HEATR1: variants seen among roughly 807,000 people sequenced by gnomAD.
The protein encoded by HEATR1 is HEAT repeat containing 1, also known as HEAT repeat-containing protein 1.
A neutral mutation model predicts 248.2 loss-of-function variants in HEATR1; 77 were observed. The observed-to-expected ratio is 0.31, with a 90% CI of 0.26 to 0.37. HEATR1 has a LOEUF of 0.37. Ranked by LOEUF, HEATR1 falls within the 10% of genes least tolerant of loss-of-function variation. HEATR1 has a pLI of 1.00. For missense variants in HEATR1, 2,420 were observed against 2,504.9 expected (o/e 0.97, Z 0.72); for synonymous variants, 897 against 923.1 (o/e 0.97, Z 0.51).
At chr1:236,579,189 G>A (rs747653204) in intron 20 of HEATR1, among the ~76,000 whole-genome samples, 3 of 151,962 alleles carry the variant, frequency 2.0e-5, no homozygotes, top group African/African-American at 4.8e-5. Context: ...CTCATGTGAC[G>A]GGCTGCAGTG....
rs1017897998 is a variant in HEATR1 at position 236,550,587 on chromosome 1, G to A, written c.*315C>T. On this transcript the variant is annotated 3_prime_UTR_variant, in exon 45 of 45. Transcript: ENST00000366582. ...CAGTGCAAATGAGGCGTCAGCTTTG[G>A]GTGCTAAAATTAACAAGTCTAATAT... 3.8e-6 allele frequency: 1 copy of A among 262,074 alleles called. No homozygotes were observed. The highest frequency in any genetic ancestry group is 4.9e-5 in the Admixed American group (1 of 20,520). The allele number at this position is 262,074 out of a possible 1,614,324, so 16.2% of individuals were successfully genotyped here.
At chr1:236,574,134 A>T in intron 24 of HEATR1, 68 bp downstream of exon 24, 2 of 1,400,956 alleles carry the variant, frequency 1.4e-6, no homozygotes, top group Non-Finnish European at 1.9e-6. Flanking sequence ...CAGGACTCTT[A>T]AACATGGTGT....
chr1:236,572,184 T>C (rs952566650), intron 26 of HEATR1, among the ~76,000 whole-genome samples: 1 of 152,204 alleles, frequency 6.6e-6, no homozygotes, highest in African/African-American at 2.4e-5. Context: ...CAGAGGAAAG[T>C]AGGCTGTACA....
chr1:236,574,760 A>T lies in HEATR1; in HGVS notation c.3228T>A (p.Asn1076Lys), dbSNP rs765031157. Residue 1076 changes from asparagine (N) to lysine (K), a missense_variant, in exon 23 of 45, where the codon AAT becomes AAA. Coordinates refer to ENST00000366582, the MANE Select transcript of HEATR1 (RefSeq NM_018072.6). ...ATATATCTAGACTCTTCGGATCCTC[A>T]TTTAAAAGGGAAACTGAAAATTCAT... ...KYNEFSVSLLNEDPKSLDIFI... is the reference protein window; with the variant it reads ...KYNEFSVSLLKEDPKSLDIFI... The T allele has an allele frequency of 3.1e-6, 5 of 1,613,888 alleles. No homozygotes were observed. The South Asian group carries it at 5.5e-5, about 18-fold the overall frequency.
rs10692063 is a variant in HEATR1, at chr1:236,580,519, C to CTTTTTTTTTTT, written c.2755+692_2755+702dup. ...CAGAAATATGTATAGATGTACAGCC[C>CTTTTTTTTTTT]TTTTTTTTTTTTTTTGAGACAGGGT... On this transcript the variant is annotated intron_variant, in intron 20 of 44. Transcript: ENST00000366582. 2.3e-5 allele frequency among the ~76,000 whole-genome samples: 3 copies of CTTTTTTTTTTT among 132,124 alleles called. 1 individual carries two copies. The highest frequency in any genetic ancestry group is 1.6e-5 in the Non-Finnish European group (1 of 63,272). The allele number at this position is 132,124 out of a possible 152,430, so 86.7% of individuals were successfully genotyped here. A position where few individuals can be genotyped will look rare whatever the true frequency, so the allele number is the denominator to read the frequency against.
chr1:236,594,071 G>A lies in HEATR1; in HGVS notation c.1134C>T (p.His378=). The A allele has an allele frequency of 6.2e-7, 1 of 1,602,036 alleles. No individual in the cohort carries two copies. Among genetic ancestry groups the A allele is most frequent in the East Asian group, 2.3e-5 (1 of 43,936 alleles). The change falls in exon 9 of 45, where the codon CAC becomes CAT. Residue 378 remains histidine, a synonymous_variant. Coordinates refer to ENST00000366582, the MANE Select transcript of HEATR1 (RefSeq NM_018072.6). Reference sequence around the variant, plus strand: ...ATATTTTTGTAAGTATAGCTTCTAAGTGTCTCTTGTAGATTTGACCATCCA... The same window carrying A: ...ATATTTTTGTAAGTATAGCTTCTAAATGTCTCTTGTAGATTTGACCATCCA... ...EGMDGQIYKR[H]LEAILTKISL...
At chr1:236,597,698 T>A (rs1664213536) in intron 5 of HEATR1, among the ~76,000 whole-genome samples, 180 bp downstream of exon 5, 1 of 71,916 alleles carries the variant, frequency 1.4e-5, no homozygotes, top group South Asian at 3.6e-4. Context: ...AGACTGATTC[T>A]TAAAAAAAAA....
At chr1:236,576,498 C>T in intron 21 of HEATR1, 121 bp from the exon 22 acceptor site, 2 of 784,424 alleles carry the variant, frequency 2.5e-6, no homozygotes, top group South Asian at 4.3e-5. Context: ...TCCATTTCTC[C>T]TTAAAACCTT....
At chr1:236,597,201 A>G (rs974337215) in intron 5 of HEATR1, among the ~76,000 whole-genome samples, 6 of 151,896 alleles carry the variant, frequency 4.0e-5, no homozygotes, top group Admixed American at 3.9e-4. Flanking sequence ...TGAATACACA[A>G]TGTGACAACA....
Position 236,550,799 on chromosome 1 carries a change from G to T in HEATR1, c.*103C>A. 1.2e-6 allele frequency: 1 copy of T among 804,620 alleles called. No individual in the cohort carries two copies. The highest frequency in any genetic ancestry group is 2.0e-6 in the Non-Finnish European group (1 of 498,982). The allele number at this position is 804,620 out of a possible 1,614,324, so 49.8% of individuals were successfully genotyped here. On this transcript the variant is annotated 3_prime_UTR_variant, in exon 45 of 45. Transcript: ENST00000366582. The stretch of plus-strand genomic sequence containing the variant: ...AAACATTTGTAAGTAATCCAAGTAG[G>T]TGTATTAAGGCACCAAAAGTAACAT...
chr1:236,550,992 TAAAAAAA>T lies in HEATR1; in HGVS notation c.6347-9_6347-3del, dbSNP rs55866014. ...GATGTTCTACTTCTTCACATTCATC[TAAAAAAA>T]AAAAAAAAAAATCAAAATTAAAATC... is the stretch of plus-strand genomic sequence containing the variant. On this transcript the variant is annotated splice_polypyrimidine_tract_variant and splice_region_variant and intron_variant, in intron 44 of 44. Transcript: ENST00000366582. 1.4e-5 allele frequency: 18 copies of T among 1,255,680 alleles called. No individual in the cohort carries two copies. Among genetic ancestry groups the T allele is most frequent in the African/African-American group, 3.1e-5 (2 of 63,778 alleles). The allele number at this position is 1,255,680 out of a possible 1,614,324, so 77.8% of individuals were successfully genotyped here. A position where few individuals can be genotyped will look rare whatever the true frequency, so the allele number is the denominator to read the frequency against.
At chr1:236,584,952 T>G in intron 17 of HEATR1, 73 bp downstream of exon 17, 1 of 1,325,836 alleles carries the variant, frequency 7.5e-7, no homozygotes, top group Middle Eastern at 2.1e-4. Context: ...TGATTTTCAG[T>G]TTTGCTGTGA....
In HEATR1 at chr1:236,599,562, G is replaced by C; in HGVS notation, c.422C>G (p.Thr141Arg). The C allele has an allele frequency of 1.2e-6, 2 of 1,613,506 alleles. No homozygotes were observed. Among genetic ancestry groups the C allele is most frequent in the Non-Finnish European group, 1.7e-6 (2 of 1,179,622 alleles). The change falls in exon 4 of 45, where the codon ACA becomes AGA. Residue 141 changes from threonine to arginine, a missense_variant. Coordinates refer to ENST00000366582, the MANE Select transcript of HEATR1 (RefSeq NM_018072.6). ...CTGTATGACTCGCACAAATATTCTT[G>C]TCTCGTGGTATGGCAGAACACAAGC... ...LIACVLPYHETRIFVRVIQLL... is the reference protein window; with the variant it reads ...LIACVLPYHERRIFVRVIQLL...
In HEATR1 at chr1:236,552,113, A is replaced by G. The variant is rs773967140; in HGVS notation, c.6238-6T>C. On this transcript the variant is annotated splice_polypyrimidine_tract_variant and splice_region_variant and intron_variant, in intron 43 of 44. Coordinates refer to ENST00000366582, the MANE Select transcript of HEATR1 (RefSeq NM_018072.6). ...ATCAAAGCAGCAAATCGAACCTGAAAGGGATAAAAGAGCAAAGAAATAAAA... is the reference window on the plus strand; with the variant it reads ...ATCAAAGCAGCAAATCGAACCTGAAGGGGATAAAAGAGCAAAGAAATAAAA... The G allele has an allele frequency of 1.6e-4, 249 of 1,572,708 alleles. No individual in the cohort carries two copies. Among genetic ancestry groups the G allele is most frequent in the Non-Finnish European group, 2.0e-4 (234 of 1,143,932 alleles).
Position 236,558,435 on chromosome 1 carries a change from G to A in HEATR1, c.5006C>T (p.Thr1669Ile), listed in dbSNP as rs766828466. The part of the protein sequence containing the change: ...GEEEQAINRQ[T>I]ALYTLKLLCK... ...TAAAAGCTTTAAGGTATACAACGCT[G>A]TCTGTCTGTTGATTGCTTGTTCTTC... is the stretch of plus-strand genomic sequence containing the variant. The change falls in exon 36 of 45, where the codon ACA (threonine) becomes ATA (isoleucine). Residue 1669 changes from threonine to isoleucine, a missense_variant. Thr to Ile is a moderately conservative substitution (Grantham distance 89). Transcript: ENST00000366582. 2 of 1,614,114 alleles carry A rather than the reference G, an allele frequency of 1.2e-6. No homozygotes were observed. Among genetic ancestry groups the A allele is most frequent in the South Asian group, 2.2e-5 (2 of 91,082 alleles).
Position 236,595,565 on chromosome 1 carries a change from GACCAGATGGGGA to G in HEATR1, c.1053_1064del (p.Pro352_Val355del), listed in dbSNP as rs1558192072. The G allele has an allele frequency of 1.2e-6, 2 of 1,612,094 alleles. No homozygotes were observed. Among genetic ancestry groups the G allele is most frequent in the South Asian group, 2.2e-5 (2 of 90,782 alleles). On this transcript the variant is annotated inframe_deletion, in exon 8 of 45. Coordinates refer to ENST00000366582, the MANE Select transcript of HEATR1 (RefSeq NM_018072.6). ...CTGTAACATGATGAATGATGGAGAC[GACCAGATGGGGA>G]AGCATGTAATGCAGAAGAGGACTGA...
At position 236,576,695 on chromosome 1, in the gene HEATR1, A is replaced by G. The variant is rs996172062; in HGVS notation, c.2925+85T>C. 4 of 1,266,410 alleles carry G rather than the reference A, an allele frequency of 3.2e-6. No individual in the cohort carries two copies. In the African/African-American group the frequency reaches 6.0e-5, roughly 19 times the overall value. The allele number at this position is 1,266,410 out of a possible 1,614,324, so 78.4% of individuals were successfully genotyped here. A position where few individuals can be genotyped will look rare whatever the true frequency, so the allele number is the denominator to read the frequency against. The stretch of plus-strand genomic sequence containing the variant: ...AATGACTTAGTCCATCAAAATCCCT[A>G]CACAGTGAAATGTCGAGAATGGAGA... On this transcript the variant is annotated intron_variant, in intron 21 of 44. Coordinates refer to ENST00000366582, the MANE Select transcript of HEATR1 (RefSeq NM_018072.6).
Position 236,604,131 on chromosome 1 carries a change from A to G in HEATR1, c.-32-4T>C. 1.3e-6 allele frequency: 2 copies of G among 1,536,658 alleles called. No individual in the cohort carries two copies. ...AGCGGAGTTTTAATGACACGGGCTAAAAAAACGTAAGCACTTTGATAAGTT... is the reference window on the plus strand; with the variant it reads ...AGCGGAGTTTTAATGACACGGGCTAGAAAAACGTAAGCACTTTGATAAGTT... On this transcript the variant is annotated splice_polypyrimidine_tract_variant and splice_region_variant and intron_variant, in intron 1 of 44. Coordinates refer to ENST00000366582, the MANE Select transcript of HEATR1 (RefSeq NM_018072.6).
rs755307968 is a variant in HEATR1 at position 236,576,222 on chromosome 1, A to T, written c.3081T>A (p.Gly1027=). 1 of 1,596,750 alleles carries T rather than the reference A, an allele frequency of 6.3e-7. No individual in the cohort carries two copies. Among genetic ancestry groups the T allele is most frequent in the Non-Finnish European group, 8.5e-7 (1 of 1,174,750 alleles). The change falls in exon 22 of 45, where the codon GGT becomes GGA. Residue 1027 remains glycine (G), a synonymous_variant. Transcript: ENST00000366582. Reference sequence around the variant, plus strand: ...AATCCACTTAAATGGCACATACCTCACCGTTGACTCCCTGAAGTACTTTCA... The same window carrying T: ...AATCCACTTAAATGGCACATACCTCTCCGTTGACTCCCTGAAGTACTTTCA... ...DLMKVLQGVN[G]EMVLSQLLPM... is the part of the protein sequence containing the mutation.
Sources: gnomAD v4.1 joint callset for allele counts (sites outside exome capture counted in the v4.1 genomes callset) on GRCh38, gnomAD v4.1.1 for gene constraint, MANE v1.5 for transcripts, NCBI Gene and HGNC (gene_info 2026-07-23, HGNC 2026-07-21) for gene names.